Variants in NBPF19 observed in about 807,000 individuals in gnomAD.
The protein encoded by NBPF19 is NBPF member 19, also known as NBPF family member NBPF19.
A neutral mutation model predicts 45.9 loss-of-function variants in NBPF19; 30 were observed. The ratio of observed to expected loss-of-function variants is 0.65; its 90% CI spans 0.49 to 0.89. The LOEUF (loss-of-function observed/expected upper bound fraction) is 0.89, where lower values mean the gene tolerates loss of function less well. Ranked by LOEUF, NBPF19 falls within the 40% of genes least tolerant of loss-of-function variation. The pLI is 0.00. For synonymous variants in NBPF19, 183 were observed against 181.2 expected (o/e 1.01, Z -0.08); for missense variants, 495 against 471.8 (o/e 1.05, Z -0.46).
rs1362557430 is a variant in NBPF19, at chr1:149,487,337, C to T, written c.994C>T (p.Arg332Cys). 1.5e-5 allele frequency: 24 copies of T among 1,564,710 alleles called. No homozygotes were observed. Among genetic ancestry groups the T allele is most frequent in the Non-Finnish European group, 2.0e-5 (23 of 1,148,220 alleles). Residue 332 changes from arginine to cysteine, a missense_variant, in exon 9 of 94, where the codon CGC becomes TGC. Transcript: ENST00000651566. ...VCMAVDIGRH[R>C]WDQVKKEDQE... ...CCATCTGAATTTATTTGCAGGACAT[C>T]GCTGGGATCAAGTGAAAAAGGAGGA...
At chr1:149,487,949 T>A in intron 9 of NBPF19, 64 bp from the exon 10 acceptor site, 1 of 707,734 alleles carries the variant, frequency 1.4e-6, no homozygotes, top group Non-Finnish European at 2.6e-6. Context: ...CCATGAAATC[T>A]AGCTGGGGCT....
rs2085579423 is a variant in NBPF19 at position 149,487,182 on chromosome 1, T to G, written c.989-150T>G. 4 of 757,614 alleles carry G rather than the reference T, an allele frequency of 5.3e-6. 1 individual carries two copies. The highest frequency in any genetic ancestry group is 9.4e-6 in the Non-Finnish European group (4 of 424,302). The allele number at this position is 757,614 out of a possible 1,614,324, so 46.9% of individuals were successfully genotyped here. A position where few individuals can be genotyped will look rare whatever the true frequency, so the allele number is the denominator to read the frequency against. ...GAACCCAAGCCAGTTTTCTCAAGAC[T>G]TGACCTCAGGCCTACTGCAATATTT... On this transcript the variant is annotated intron_variant, in intron 8 of 93. Coordinates refer to ENST00000651566, the MANE Select transcript of NBPF19 (RefSeq NM_001351365.2).
In NBPF19 at chr1:149,488,161, G is replaced by C; in HGVS notation, c.1189G>C (p.Val397Leu). Residue 397 changes from valine (V) to leucine (L), a missense_variant, in exon 10 of 94, where the codon GTT (valine) becomes CTT (leucine). Physicochemically the swap from Val to Leu is conservative, Grantham distance 32. Around this residue, in one of 8 missense-constraint regions of NBPF19, gnomAD observed 146 missense variants for 67.3 expected, o/e 2.17. Coordinates refer to ENST00000651566, the MANE Select transcript of NBPF19 (RefSeq NM_001351365.2). ...SAFYVLEQQR[V>L]GLAIDMDEIE... ...CTTTTACGTATTGGAGCAACAGCGT[G>C]TTGGCTTGGCTATTGACATGGATGG... The C allele has an allele frequency of 1.5e-6, 1 of 677,474 alleles. No individual in the cohort carries two copies. The highest frequency in any genetic ancestry group is 2.6e-6 in the Non-Finnish European group (1 of 378,302). The allele number at this position is 677,474 out of a possible 1,614,324, so 42.0% of individuals were successfully genotyped here.
At chr1:149,487,775 CTGTGTGTG>C (rs1219803937) in intron 9 of NBPF19, among the ~76,000 whole-genome samples, 4,589 of 128,658 alleles carry the variant, frequency 0.036, 156 homozygotes, top group East Asian at 0.15. Flanking sequence ...TGAGCTCGCT[CTGTGTGTG>C]TGTGTGTGTG....
In NBPF19 at chr1:149,487,380, C is replaced by G; in HGVS notation, c.1037C>G (p.Pro346Arg). ...VKKEDQEATG[P>R]RLSRELLDEK... ...AAGGAGGACCAAGAGGCAACAGGTC[C>G]CAGGTGAGTCTGAGAAATTGTGGAC... Residue 346 changes from proline to arginine, a missense_variant, in exon 9 of 94, where the codon CCC (proline) becomes CGC (arginine). By Grantham distance (103) the Pro-to-Arg change is moderately radical (BLOSUM62 -2). This residue lies in a region of NBPF19 where 146 missense variants were observed against 67.3 expected (regional missense o/e 2.17). Transcript: ENST00000651566. The G allele has an allele frequency of 1.3e-6, 2 of 1,530,268 alleles. No homozygotes were observed. The highest frequency in any genetic ancestry group is 1.8e-6 in the Non-Finnish European group (2 of 1,117,540). 94.8% of individuals were successfully genotyped at this position (1,530,268 alleles called of 1,614,324 possible). A position where few individuals can be genotyped will look rare whatever the true frequency, so the allele number is the denominator to read the frequency against.
At position 149,475,112 on chromosome 1, in the gene NBPF19, GC is replaced by G. The variant is rs2084763118; in HGVS notation, c.-715del. On this transcript the variant is annotated 5_prime_UTR_variant, in exon 1 of 94. An upstream open reading frame in the 5' UTR gains an earlier in-frame stop. Transcript: ENST00000651566. ...GAATGTAATGAAAACCCAAGAAGGT[GC>G]CCCAGTAAGAAAGAGGAAATCAATC... 3.4e-5 allele frequency among the ~76,000 whole-genome samples: 5 copies of G among 146,030 alleles called. 1 individual carries two copies. The South Asian group carries it at 1.2e-3, about 34-fold the overall frequency.
chr1:149,554,384 T>C, intron 93 of NBPF19, 111 bp from the exon 94 acceptor site: 1 of 1,598,028 alleles, frequency 6.3e-7, no homozygotes, highest in Non-Finnish European at 8.5e-7. Context: ...CATTAATGGA[T>C]CTATCCTTTT....
At chr1:149,487,236 C>A (rs1405712348) in intron 8 of NBPF19, 96 bp from the exon 9 acceptor site, 20 of 845,856 alleles carry the variant, frequency 2.4e-5, no homozygotes, top group Non-Finnish European at 3.9e-5. Flanking sequence ...CTCACACTGA[C>A]AAGACTGATG....
rs1472594457 is a variant in NBPF19 at position 149,488,460 on chromosome 1, A to T, written c.1213+275A>T. Among the ~76,000 whole-genome samples, 5 of 132,918 alleles carry T rather than the reference A, an allele frequency of 3.8e-5. 1 individual carries two copies. The highest frequency in any genetic ancestry group is 1.1e-4 in the African/African-American group (4 of 35,008). The allele number at this position is 132,918 out of a possible 152,430, so 87.2% of individuals were successfully genotyped here. On this transcript the variant is annotated intron_variant, in intron 10 of 93. Coordinates refer to ENST00000651566, the MANE Select transcript of NBPF19 (RefSeq NM_001351365.2). ...ACCTGGGCAGATGTGACAAATTCAC[A>T]CAACTCTGATTTTGTCTCAATTTTG... is the stretch of plus-strand genomic sequence containing the variant.
chr1:149,477,853 C>T (rs1168727087), intron 2 of NBPF19, 92 bp from the exon 3 acceptor site: 3 of 798,156 alleles, frequency 3.8e-6, no homozygotes, highest in Non-Finnish European at 6.4e-6. Context: ...AGAGTTTTGT[C>T]CTTGGGATGG....
In NBPF19 at chr1:149,556,029, T is replaced by C. The variant is rs1224291728; in HGVS notation, c.*1291T>C. 13 of 145,074 alleles carry C rather than the reference T, an allele frequency of 9.0e-5. No homozygotes were observed. Among genetic ancestry groups the C allele is most frequent in the Non-Finnish European group, 1.4e-4 (9 of 65,774 alleles). The allele number at this position is 145,074 out of a possible 1,614,324, so 9.0% of individuals were successfully genotyped here. On this transcript the variant is annotated 3_prime_UTR_variant, in exon 94 of 94. Transcript: ENST00000651566. ...GGTTTTCAAGAGTATAAATATCCTG[T>C]ATTCTAATGATCATCCTCTAAACAT...
In NBPF19 at chr1:149,554,595, T is replaced by A. The variant is rs2087198610; in HGVS notation, c.11389T>A (p.Ser3797Thr). ...GTCAATGTACTTTGAACTACCTGACTCATTCCAGCACTACAGAAGTGTGTT... is the reference window on the plus strand; with the variant it reads ...GTCAATGTACTTTGAACTACCTGACACATTCCAGCACTACAGAAGTGTGTT... ...TPSMYFELPD[S>T]FQHYRSVFYS... The change falls in exon 94 of 94, where the codon TCA (serine) becomes ACA (threonine). Residue 3797 changes from serine to threonine, a missense_variant. Transcript: ENST00000651566. 6.2e-7 allele frequency: 1 copy of A among 1,608,218 alleles called. No individual in the cohort carries two copies. The highest frequency in any genetic ancestry group is 8.5e-7 in the Non-Finnish European group (1 of 1,176,796).
Position 149,554,545 on chromosome 1 carries a change from C to T in NBPF19, c.11339C>T (p.Ser3780Leu). The T allele has an allele frequency of 6.2e-7, 1 of 1,608,268 alleles. No individual in the cohort carries two copies. Among genetic ancestry groups the T allele is most frequent in the Non-Finnish European group, 8.5e-7 (1 of 1,176,760 alleles). ...EVEEPEVLQD[S>L]LDGCYSTPSM... ...GAAGAGCCTGAAGTCTTACAGGACT[C>T]ACTGGATGGATGTTATTCGACTCCG... Residue 3780 changes from serine to leucine, a missense_variant, in exon 94 of 94, where the codon TCA becomes TTA. Around this residue, in one of 8 missense-constraint regions of NBPF19, gnomAD observed 248 missense variants for 95.4 expected, o/e 2.60. Transcript: ENST00000651566.
chr1:149,487,609 C>A (rs2085639865), intron 9 of NBPF19, among the ~76,000 whole-genome samples: 2 of 150,512 alleles, frequency 1.3e-5, no homozygotes, highest in African/African-American at 2.4e-5. Flanking sequence ...ACCTCAAAAG[C>A]TGTATTCTCA....
In NBPF19 at chr1:149,488,159, G is replaced by C. The variant is rs1341582511; in HGVS notation, c.1187G>C (p.Arg396Pro). Residue 396 changes from arginine (R) to proline (P), a missense_variant, in exon 10 of 94, where the codon CGT (arginine) becomes CCT (proline). Transcript: ENST00000651566. ...RSAFYVLEQQ[R>P]VGLAIDMDEI... ...GCCTTTTACGTATTGGAGCAACAGCGTGTTGGCTTGGCTATTGACATGGAT... is the reference window on the plus strand; with the variant it reads ...GCCTTTTACGTATTGGAGCAACAGCCTGTTGGCTTGGCTATTGACATGGAT... The C allele has an allele frequency of 4.4e-6, 3 of 677,002 alleles. No individual in the cohort carries two copies. Among genetic ancestry groups the C allele is most frequent in the South Asian group, 3.3e-5 (2 of 60,756 alleles). 41.9% of individuals were successfully genotyped at this position (677,002 alleles called of 1,614,324 possible). A position where few individuals can be genotyped will look rare whatever the true frequency, so the allele number is the denominator to read the frequency against.
In NBPF19 at chr1:149,478,060, C is replaced by T. The variant is rs1241807642; in HGVS notation, c.278+13C>T. 2.0e-5 allele frequency: 31 copies of T among 1,566,778 alleles called. 1 individual carries two copies. The highest frequency in any genetic ancestry group is 2.4e-5 in the Non-Finnish European group (27 of 1,145,698). ...CTGAGGAGCTCAGGTGAGGGGACCC[C>T]GTGGGGGGAGGGCAGGCGGGTAGGT... On this transcript the variant is annotated intron_variant, in intron 3 of 93. Coordinates refer to ENST00000651566, the MANE Select transcript of NBPF19 (RefSeq NM_001351365.2).
At position 149,490,499 on chromosome 1, in the gene NBPF19, C is replaced by T; in HGVS notation, c.1490+5C>T. The T allele has an allele frequency of 9.1e-6, 1 of 109,376 alleles. No individual in the cohort carries two copies. Among genetic ancestry groups the T allele is most frequent in the Non-Finnish European group, 1.6e-5 (1 of 64,106 alleles). 6.8% of individuals were successfully genotyped at this position (109,376 alleles called of 1,614,324 possible). On this transcript the variant is annotated splice_donor_5th_base_variant and intron_variant, in intron 13 of 93. Transcript: ENST00000651566. ...CCAAGACCCACCATGCCCCAGGTAA[C>T]TGAGCAATTGTGAACAGCTACTTCT... is the stretch of plus-strand genomic sequence containing the variant.
intron 8 of NBPF19, among the ~76,000 whole-genome samples, chr1:149,487,128 C>A (rs1342742152): frequency 6.7e-6 from 1 of 150,126 alleles, no homozygotes; most frequent in African/African-American, 2.4e-5. Flanking sequence ...CATTCCAACA[C>A]AGGGGAATTT....
chr1:149,483,731 G>A (rs1280693218), intron 7 of NBPF19, among the ~76,000 whole-genome samples: 3 of 71,296 alleles, frequency 4.2e-5, no homozygotes, highest in Non-Finnish European at 8.0e-5. Context: ...GCCTGGTGGT[G>A]ACAAAATCTC....
Sources: allele counts gnomAD v4.1 joint callset (sites outside exome capture counted in the v4.1 genomes callset), GRCh38; gene constraint gnomAD v4.1.1; regional missense constraint gnomAD v4.1.1; transcripts MANE v1.5; gene names NCBI Gene and HGNC (gene_info 2026-07-23, HGNC 2026-07-21).